Variants in JAK1 observed in about 807,000 individuals in gnomAD.
JAK1 encodes the protein Janus kinase 1, also known as tyrosine-protein kinase JAK1.
In JAK1, 16 loss-of-function variants were observed where a neutral mutation model predicts 136.6. The ratio of observed to expected loss-of-function variants is 0.12; its 90% confidence interval spans 0.08 to 0.18. JAK1 has a LOEUF of 0.18. Ranked by LOEUF, JAK1 falls within the 10% of genes least tolerant of loss-of-function variation. The pLI is 1.00. For synonymous variants in JAK1, 492 were observed against 519.5 expected (o/e 0.95, Z 0.72); for missense variants, 859 against 1,450.1 (o/e 0.59, Z 6.62).
At chr1:64,985,824 C>T (rs1036170010) in intron 2 of JAK1, 62 of 621,676 alleles carry the variant, frequency 1.0e-4, no homozygotes, top group South Asian at 6.1e-4. Flanking sequence ...CATTGAATTA[C>T]GCCTGTCAAA....
intron 1 of JAK1, among the ~76,000 whole-genome samples, chr1:64,913,655 AGAAGGAAGGAAGGAAG>A (rs1285435585): frequency 5.8e-5 from 2 of 34,448 alleles, no homozygotes; most frequent in South Asian, 1.9e-3. Context: ...AAGGAAGGAA[AGAAGGAAGGAAGGAAG>A]GAAGGAAGGA....
At chr1:64,986,722 C>A (rs753424438) in intron 2 of JAK1, among the ~76,000 whole-genome samples, 4 of 151,792 alleles carry the variant, frequency 2.6e-5, no homozygotes, top group East Asian at 1.9e-4. Flanking sequence ...AGAGAGAGAC[C>A]GTCTCTACAA....
intron 1 of JAK1, among the ~76,000 whole-genome samples, chr1:65,059,070 A>C (rs1474197710): frequency 6.6e-6 from 1 of 152,084 alleles, no homozygotes; most frequent in Non-Finnish European, 1.5e-5. Context: ...TGGGGCTGGC[A>C]ATGAATTATT....
intron 1 of JAK1, among the ~76,000 whole-genome samples, chr1:64,938,617 C>CT: frequency 6.6e-6 from 1 of 152,320 alleles, no homozygotes; most frequent in Non-Finnish European, 1.5e-5. Flanking sequence ...CTTCTCAATA[C>CT]TAAAACCATT....
chr1:64,914,625 G>A (rs189970694), intron 1 of JAK1, among the ~76,000 whole-genome samples: 3 of 152,264 alleles, frequency 2.0e-5, no homozygotes, highest in South Asian at 2.1e-4. Context: ...GCGCAGTGGC[G>A]TGATCTCAGC....
intron 2 of JAK1, among the ~76,000 whole-genome samples, chr1:65,030,505 A>G (rs981289494): frequency 1.5e-4 from 22 of 151,706 alleles, no homozygotes; most frequent in Admixed American, 1.3e-4. Flanking sequence ...GAGGAACAGA[A>G]TATTAACATA....
At chr1:64,987,065 C>T (rs1375758617) in intron 2 of JAK1, among the ~76,000 whole-genome samples, 3 of 152,192 alleles carry the variant, frequency 2.0e-5, no homozygotes, top group Admixed American at 6.5e-5. Context: ...CAGTCAGGTG[C>T]ACAAGGTCTA....
chr1:65,051,368 T>C (rs1412049456), intron 1 of JAK1, among the ~76,000 whole-genome samples: 2 of 152,212 alleles, frequency 1.3e-5, no homozygotes, highest in Non-Finnish European at 2.9e-5. Flanking sequence ...AATATAAATC[T>C]GGGAATTTCT....
Position 64,996,814 on chromosome 1 carries a change from C to T in JAK1, c.-78+47666G>A, listed in dbSNP as rs1055759190. On this transcript the variant is annotated intron_variant, in intron 2 of 25. Transcript: ENST00000671954. Reference sequence around the variant, plus strand: ...TTAGACATCAGCTCAAGCTGAAGCTCGCCTAAGACAGGAAAATCTAACAAA... The same window carrying T: ...TTAGACATCAGCTCAAGCTGAAGCTTGCCTAAGACAGGAAAATCTAACAAA... 3.3e-5 allele frequency among the ~76,000 whole-genome samples: 5 copies of T among 152,166 alleles called. No individual in the cohort carries two copies. In the East Asian group the frequency reaches 7.7e-4, roughly 23 times the overall value.
intron 1 of JAK1, among the ~76,000 whole-genome samples, chr1:64,906,176 C>G (rs1433791759): frequency 6.6e-6 from 1 of 152,074 alleles, no homozygotes; most frequent in Non-Finnish European, 1.5e-5. Context: ...TGCCTGTAAT[C>G]CCAGTTACTT....
At chr1:64,869,503 G>A (rs1656940656) in intron 5 of JAK1, 29 bp from the exon 6 acceptor site, 1 of 1,601,874 alleles carries the variant, frequency 6.2e-7, no homozygotes, top group Non-Finnish European at 8.5e-7. Flanking sequence ...AACCATGAGA[G>A]CCCACCCGTT....
upstream of JAK1, among the ~76,000 whole-genome samples, chr1:64,968,787 C>T (rs760830427): frequency 3.9e-4 from 60 of 152,240 alleles, no homozygotes; most frequent in East Asian, 7.7e-4. Context: ...CAAAAATTAG[C>T]TGGACGTGGT....
chr1:64,991,674 T>G (rs1646658208), intron 2 of JAK1: 1 of 152,194 alleles, frequency 6.6e-6, no homozygotes, highest in Non-Finnish European at 1.5e-5. Context: ...GAAGTAAAAC[T>G]GTATCTCTAC....
At chr1:65,028,214 A>T (rs1646994273) in intron 2 of JAK1, among the ~76,000 whole-genome samples, 1 of 152,078 alleles carries the variant, frequency 6.6e-6, no homozygotes, top group Non-Finnish European at 1.5e-5. Context: ...CTCATCAGTG[A>T]GTCCTTCCCT....
At chr1:64,952,089 G>A (rs915850668) in intron 1 of JAK1, among the ~76,000 whole-genome samples, 2 of 152,162 alleles carry the variant, frequency 1.3e-5, no homozygotes, top group South Asian at 4.1e-4. Context: ...AACACATAAA[G>A]TATCTGAAAC....
intron 11 of JAK1, among the ~76,000 whole-genome samples, chr1:64,854,443 G>A (rs987367091): frequency 2.0e-5 from 3 of 152,134 alleles, no homozygotes; most frequent in South Asian, 4.1e-4. Flanking sequence ...AAAATAAACC[G>A]TTCTCAAGAG....
chr1:64,844,325 T>C lies in JAK1; in HGVS notation c.2252-110A>G. On this transcript the variant is annotated intron_variant, in intron 16 of 24. Coordinates refer to ENST00000342505, the MANE Select transcript of JAK1 (RefSeq NM_002227.4). The surrounding 1 kb of genome is among the most constrained non-coding windows in gnomAD (Gnocchi z 5.7). Reference sequence around the variant, plus strand: ...CCAATGAAGGAACTACTTCAAGCAGTGTGCCCAAACATGGCCCATGGCCAC... The same window carrying C: ...CCAATGAAGGAACTACTTCAAGCAGCGTGCCCAAACATGGCCCATGGCCAC... 1.4e-6 allele frequency: 2 copies of C among 1,442,498 alleles called. No individual in the cohort carries two copies. The highest frequency in any genetic ancestry group is 2.3e-5 in the East Asian group (1 of 43,862). 89.4% of individuals were successfully genotyped at this position (1,442,498 alleles called of 1,614,324 possible).
At chr1:64,867,310 G>A (rs1287980454) in intron 6 of JAK1, 102 bp from the exon 7 acceptor site, 5 of 802,390 alleles carry the variant, frequency 6.2e-6, no homozygotes, top group South Asian at 1.8e-5. Context: ...TGCCAAATGG[G>A]AAAGGGAGAT....
At chr1:64,921,971 C>T (rs1211412480) in intron 1 of JAK1, among the ~76,000 whole-genome samples, 1 of 151,864 alleles carries the variant, frequency 6.6e-6, no homozygotes, top group Non-Finnish European at 1.5e-5. Context: ...CTGCAAATCA[C>T]AAAGTTGCAC....
Sources: allele counts gnomAD v4.1 joint callset (sites outside exome capture counted in the v4.1 genomes callset), GRCh38; gene constraint gnomAD v4.1.1; non-coding constraint Gnocchi (gnomAD v3.1); transcripts MANE v1.5; gene names NCBI Gene and HGNC (gene_info 2026-07-23, HGNC 2026-07-21).